Variants in POM121L12 observed in about 807,000 individuals in gnomAD.
The protein encoded by POM121L12 is POM121-like protein 12.
For synonymous variants in POM121L12, 251 were observed against 179.2 expected (o/e 1.40, Z -3.20); for missense variants, 553 against 409.2 (o/e 1.35, Z -3.03).
chr7:53,036,263 T>C lies in POM121L12; in HGVS notation c.592T>C (p.Phe198Leu), dbSNP rs1044913721. 3 of 1,614,000 alleles carry C rather than the reference T, an allele frequency of 1.9e-6. No individual in the cohort carries two copies. Among genetic ancestry groups the C allele is most frequent in the African/African-American group, 2.7e-5 (2 of 75,030 alleles). ...CGCTAGGTTCGACGGGCCGTTGTGGTTCGAGGTCTCAGACAGCAAGGGTGG... is the reference window on the plus strand; with the variant it reads ...CGCTAGGTTCGACGGGCCGTTGTGGCTCGAGGTCTCAGACAGCAAGGGTGG... Reference protein sequence around the residue: ...GSARFDGPLWFEVSDSKGGRR... With the variant: ...GSARFDGPLWLEVSDSKGGRR... The change falls in exon 1 of 1, where the codon TTC becomes CTC. Residue 198 changes from phenylalanine (F) to leucine (L), a missense_variant. Coordinates refer to ENST00000408890, the MANE Select transcript of POM121L12 (RefSeq NM_182595.4).
Position 53,036,374 on chromosome 7 carries a change from C to T in POM121L12, c.703C>T (p.Pro235Ser), listed in dbSNP as rs991828786. ...TGCTTCCTTCGTGCCCAGGCCAGGG[C>T]CTCTGAAGCCGAGCCTCGGCCCCTG... ...AVASFVPRPGPLKPSLGPWSL... is the reference protein window; with the variant it reads ...AVASFVPRPGSLKPSLGPWSL... The change falls in exon 1 of 1, where the codon CCT becomes TCT. Residue 235 changes from proline (P) to serine (S), a missense_variant. By Grantham distance (74) the Pro-to-Ser change is moderately conservative (BLOSUM62 -1). Transcript: ENST00000408890. The T allele has an allele frequency of 1.2e-6, 2 of 1,613,608 alleles. No individual in the cohort carries two copies. The highest frequency in any genetic ancestry group is 1.3e-5 in the African/African-American group (1 of 74,914).
chr7:53,036,270 T>G lies in POM121L12; in HGVS notation c.599T>G (p.Val200Gly), dbSNP rs771983510. The G allele has an allele frequency of 6.2e-7, 1 of 1,613,820 alleles. No individual in the cohort carries two copies. The highest frequency in any genetic ancestry group is 8.5e-7 in the Non-Finnish European group (1 of 1,179,984). Residue 200 changes from valine to glycine, a missense_variant, in exon 1 of 1, where the codon GTC becomes GGC. Val to Gly is a moderately radical substitution (Grantham distance 109, BLOSUM62 -3). Transcript: ENST00000408890. ...ARFDGPLWFE[V>G]SDSKGGRRNL... ...TTCGACGGGCCGTTGTGGTTCGAGGTCTCAGACAGCAAGGGTGGCAGGCGG... is the reference window on the plus strand; with the variant it reads ...TTCGACGGGCCGTTGTGGTTCGAGGGCTCAGACAGCAAGGGTGGCAGGCGG...
chr7:53,036,346 G>A lies in POM121L12; in HGVS notation c.675G>A (p.Ala225=), dbSNP rs114283332. The A allele has an allele frequency of 8.4e-4, 1,362 of 1,613,960 alleles. 11 individuals carry two copies. In the African/African-American group the frequency reaches 0.016, roughly 19 times the overall value. Reference sequence around the variant, plus strand: ...TCAAGCCCCTGAGCAAAAATGGAGCGGTTGCTTCCTTCGTGCCCAGGCCAG... The same window carrying A: ...TCAAGCCCCTGAGCAAAAATGGAGCAGTTGCTTCCTTCGTGCCCAGGCCAG... ...SAFKPLSKNG[A]VASFVPRPGP... The change falls in exon 1 of 1, where the codon GCG becomes GCA. Residue 225 remains alanine, a synonymous_variant. Transcript: ENST00000408890.
Position 53,035,824 on chromosome 7 carries a change from T to C in POM121L12, c.153T>C (p.Ser51=), listed in dbSNP as rs748174179. 1.1e-5 allele frequency: 18 copies of C among 1,613,098 alleles called. No homozygotes were observed. Among genetic ancestry groups the C allele is most frequent in the Non-Finnish European group, 1.5e-5 (18 of 1,179,718 alleles). ...CGCCATCTCCCCAGGGTCGCCAGAG[T>C]CCCTGGCCCCTGAGGTCCCTGACTC... ...QTTPSPQGRQ[S]PWPLRSLTQS... The change falls in exon 1 of 1, where the codon AGT becomes AGC. Residue 51 remains serine, a synonymous_variant. Transcript: ENST00000408890.
rs745965917 is a variant in POM121L12 at position 53,036,420 on chromosome 7, A to C, written c.749A>C (p.Asp250Ala). 6 of 1,613,212 alleles carry C rather than the reference A, an allele frequency of 3.7e-6. No individual in the cohort carries two copies. The Admixed American group carries it at 1.0e-4, about 27-fold the overall frequency. ...LGPWSLSFCD[D>A]AWPSVLVQPA... ...CCCTGGAGCCTCAGTTTTTGTGATGATGCTTGGCCTTCCGTGCTGGTCCAG... is the reference window on the plus strand; with the variant it reads ...CCCTGGAGCCTCAGTTTTTGTGATGCTGCTTGGCCTTCCGTGCTGGTCCAG... Residue 250 changes from aspartate to alanine, a missense_variant, in exon 1 of 1, where the codon GAT becomes GCT. Transcript: ENST00000408890.
At position 53,035,794 on chromosome 7, in the gene POM121L12, G is replaced by T. The variant is rs1403727197; in HGVS notation, c.123G>T (p.Gln41His). Residue 41 changes from glutamine to histidine, a missense_variant, in exon 1 of 1, where the codon CAG (glutamine) becomes CAT (histidine). By Grantham distance (24) the Gln-to-His change is conservative. Coordinates refer to ENST00000408890, the MANE Select transcript of POM121L12 (RefSeq NM_182595.4). ...APMSRSPSTPQTTPSPQGRQS... is the reference protein window; with the variant it reads ...APMSRSPSTPHTTPSPQGRQS... ...TGAGCAGGTCACCCAGCACGCCCCA[G>T]ACCACGCCATCTCCCCAGGGTCGCC... is the stretch of plus-strand genomic sequence containing the variant. The T allele has an allele frequency of 1.2e-6, 2 of 1,613,674 alleles. No individual in the cohort carries two copies. Among genetic ancestry groups the T allele is most frequent in the Non-Finnish European group, 1.7e-6 (2 of 1,179,892 alleles).
rs1479965215 is a variant in POM121L12, at chr7:53,035,880, G to A, written c.209G>A (p.Arg70His). Residue 70 changes from arginine (R) to histidine (H), a missense_variant, in exon 1 of 1, where the codon CGC becomes CAC. Transcript: ENST00000408890. ...CATATTCAGTACTTCCAGTGGGGGCGCCCGGTGCCCAGCACCCACCTCATC... is the reference window on the plus strand; with the variant it reads ...CATATTCAGTACTTCCAGTGGGGGCACCCGGTGCCCAGCACCCACCTCATC... ...QSHIQYFQWGRPVPSTHLIEV... is the reference protein window; with the variant it reads ...QSHIQYFQWGHPVPSTHLIEV... 9 of 1,613,242 alleles carry A rather than the reference G, an allele frequency of 5.6e-6. No homozygotes were observed. The highest frequency in any genetic ancestry group is 1.3e-5 in the African/African-American group (1 of 75,040).
rs138941526 is a variant in POM121L12 at position 53,036,651 on chromosome 7, C to G, written c.*89C>G. 6.5e-6 allele frequency: 9 copies of G among 1,389,784 alleles called. No individual in the cohort carries two copies. The highest frequency in any genetic ancestry group is 8.8e-6 in the Non-Finnish European group (9 of 1,018,584). 86.1% of individuals were successfully genotyped at this position (1,389,784 alleles called of 1,614,324 possible). On this transcript the variant is annotated 3_prime_UTR_variant, in exon 1 of 1. Coordinates refer to ENST00000408890, the MANE Select transcript of POM121L12 (RefSeq NM_182595.4). ...TCCTTGCTCTACCTCAACGTGGGGC[C>G]CTGACACCACGTTATCAAACATGCA...
At chr7:53,036,399 G>A in the POM121L12 span, 1 of 1,613,760 alleles carries the variant, frequency 6.2e-7, no homozygotes. Context: ...CTCGGCCCCT[G>A]GAGCCTCAGT....
In POM121L12 at chr7:53,036,133, T is replaced by G. The variant is rs1290992545; in HGVS notation, c.462T>G (p.Pro154=). ...GTCAGGAGAGCCCCTGGAGATCCCC[T>G]GGACAGAGAGCCCGCCCCGCAGGCC... ...PERQESPWRS[P]GQRARPAGRP... Residue 154 remains proline, a synonymous_variant, in exon 1 of 1, where the codon CCT becomes CCG. Transcript: ENST00000408890. The G allele has an allele frequency of 2.5e-6, 4 of 1,611,028 alleles. No homozygotes were observed. Among genetic ancestry groups the G allele is most frequent in the Non-Finnish European group, 3.4e-6 (4 of 1,179,554 alleles).
In POM121L12 at chr7:53,036,661, C is replaced by T. The variant is rs1787567537; in HGVS notation, c.*99C>T. On this transcript the variant is annotated 3_prime_UTR_variant, in exon 1 of 1. Coordinates refer to ENST00000408890, the MANE Select transcript of POM121L12 (RefSeq NM_182595.4). ...ACCTCAACGTGGGGCCCTGACACCA[C>T]GTTATCAAACATGCAGCCCCCACAC... 12 of 1,318,634 alleles carry T rather than the reference C, an allele frequency of 9.1e-6. No homozygotes were observed. The Admixed American group carries it at 1.4e-4, about 15-fold the overall frequency. 81.7% of individuals were successfully genotyped at this position (1,318,634 alleles called of 1,614,324 possible).
rs1385545410 is a variant in POM121L12 at position 53,035,784 on chromosome 7, G to A, written c.113G>A (p.Ser38Asn). Residue 38 changes from serine to asparagine, a missense_variant, in exon 1 of 1, where the codon AGC becomes AAC. Ser to Asn is a conservative substitution (Grantham distance 46). Coordinates refer to ENST00000408890, the MANE Select transcript of POM121L12 (RefSeq NM_182595.4). ...ALAAPMSRSP[S>N]TPQTTPSPQG... is the part of the protein sequence containing the mutation. ...GCGGCTCCCATGAGCAGGTCACCCAGCACGCCCCAGACCACGCCATCTCCC... is the reference window on the plus strand; with the variant it reads ...GCGGCTCCCATGAGCAGGTCACCCAACACGCCCCAGACCACGCCATCTCCC... The A allele has an allele frequency of 4.8e-5, 78 of 1,613,576 alleles. No homozygotes were observed. Among genetic ancestry groups the A allele is most frequent in the Non-Finnish European group, 6.4e-5 (76 of 1,179,894 alleles).
At position 53,036,096 on chromosome 7, in the gene POM121L12, C is replaced by A; in HGVS notation, c.425C>A (p.Ala142Glu). Residue 142 changes from alanine (A) to glutamate (E), a missense_variant, in exon 1 of 1, where the codon GCG (alanine) becomes GAG (glutamate). Coordinates refer to ENST00000408890, the MANE Select transcript of POM121L12 (RefSeq NM_182595.4). The part of the protein sequence containing the change: ...RTWSPVTIGI[A>E]PPERQESPWR... Reference sequence around the variant, plus strand: ...TGGAGCCCGGTGACCATCGGGATCGCGCCCCCTGAGCGTCAGGAGAGCCCC... The same window carrying A: ...TGGAGCCCGGTGACCATCGGGATCGAGCCCCCTGAGCGTCAGGAGAGCCCC... 1 of 1,612,364 alleles carries A rather than the reference C, an allele frequency of 6.2e-7. No individual in the cohort carries two copies. The highest frequency in any genetic ancestry group is 1.1e-5 in the South Asian group (1 of 91,068).
In POM121L12 at chr7:53,036,683, A is replaced by C; in HGVS notation, c.*121A>C. ...CCACGTTATCAAACATGCAGCCCCC[A>C]CACCCCTCGTCTGCCCGCCCCCAGA... is the stretch of plus-strand genomic sequence containing the variant. On this transcript the variant is annotated 3_prime_UTR_variant, in exon 1 of 1. Coordinates refer to ENST00000408890, the MANE Select transcript of POM121L12 (RefSeq NM_182595.4). 9.1e-7 allele frequency: 1 copy of C among 1,104,554 alleles called. No homozygotes were observed. The highest frequency in any genetic ancestry group is 1.3e-6 in the Non-Finnish European group (1 of 774,308). The allele number at this position is 1,104,554 out of a possible 1,614,324, so 68.4% of individuals were successfully genotyped here. A position where few individuals can be genotyped will look rare whatever the true frequency, so the allele number is the denominator to read the frequency against.
At position 53,035,746 on chromosome 7, in the gene POM121L12, C is replaced by A; in HGVS notation, c.75C>A (p.Gly25=). The change falls in exon 1 of 1, where the codon GGC becomes GGA. Residue 25 remains glycine (G), a synonymous_variant. Coordinates refer to ENST00000408890, the MANE Select transcript of POM121L12 (RefSeq NM_182595.4). ...FWKAGEPLLQ[G]PDALAAPMSR... is the part of the protein sequence containing the mutation. ...AGGCGGGAGAACCCCTGCTGCAAGGCCCCGACGCCCTGGCGGCTCCCATGA... is the reference window on the plus strand; with the variant it reads ...AGGCGGGAGAACCCCTGCTGCAAGGACCCGACGCCCTGGCGGCTCCCATGA... 1 of 1,613,354 alleles carries A rather than the reference C, an allele frequency of 6.2e-7. No homozygotes were observed. Among genetic ancestry groups the A allele is most frequent in the Non-Finnish European group, 8.5e-7 (1 of 1,179,754 alleles).
chr7:53,035,936 C>A lies in POM121L12; in HGVS notation c.265C>A (p.Pro89Thr), dbSNP rs778837822. Residue 89 changes from proline (P) to threonine (T), a missense_variant, in exon 1 of 1, where the codon CCG becomes ACG. Coordinates refer to ENST00000408890, the MANE Select transcript of POM121L12 (RefSeq NM_182595.4). ...GCGGCCCACCCAGGACCCCGCCAAG[C>A]CGCAGCGGGTGGTCTCCGAGGGCTG... ...EVRPTQDPAK[P>T]QRVVSEGWRR... 2 of 1,612,810 alleles carry A rather than the reference C, an allele frequency of 1.2e-6. No homozygotes were observed. Among genetic ancestry groups the A allele is most frequent in the African/African-American group, 1.3e-5 (1 of 75,042 alleles).
Position 53,035,884 on chromosome 7 carries a change from G to A in POM121L12, c.213G>A (p.Pro71=), listed in dbSNP as rs369662403. Residue 71 remains proline, a synonymous_variant, in exon 1 of 1, where the codon CCG becomes CCA. Transcript: ENST00000408890. ...TTCAGTACTTCCAGTGGGGGCGCCC[G>A]GTGCCCAGCACCCACCTCATCGAGG... ...SHIQYFQWGR[P]VPSTHLIEVR... 70 of 1,613,064 alleles carry A rather than the reference G, an allele frequency of 4.3e-5. 1 individual carries two copies. The highest frequency in any genetic ancestry group is 5.5e-5 in the South Asian group (5 of 91,074).
In POM121L12 at chr7:53,036,578, TACCCACCTCCGGAG is replaced by T; in HGVS notation, c.*19_*32del. ...TGGCTCCTAAGAATCTGGGCTCTGCTACCCACCTCCGGAGACACAAGCCCACGTATCTACTTTCA... is the reference window on the plus strand; with the variant it reads ...TGGCTCCTAAGAATCTGGGCTCTGCTACACAAGCCCACGTATCTACTTTCA... On this transcript the variant is annotated 3_prime_UTR_variant, in exon 1 of 1. Coordinates refer to ENST00000408890, the MANE Select transcript of POM121L12 (RefSeq NM_182595.4). The T allele has an allele frequency of 6.3e-7, 1 of 1,588,280 alleles. No homozygotes were observed. Among genetic ancestry groups the T allele is most frequent in the Admixed American group, 1.8e-5 (1 of 55,864 alleles).
rs778551049 is a variant in POM121L12 at position 53,035,976 on chromosome 7, T to A, written c.305T>A (p.Leu102His). ...VVSEGWRRPA[L>H]PGETALGRDL... ...TCCGAGGGCTGGAGGCGCCCTGCCC[T>A]TCCCGGGGAGACCGCTCTGGGGCGA... is the stretch of plus-strand genomic sequence containing the variant. The change falls in exon 1 of 1, where the codon CTT becomes CAT. Residue 102 changes from leucine (L) to histidine (H), a missense_variant. By Grantham distance (99) the Leu-to-His change is moderately conservative. Transcript: ENST00000408890. 44 of 1,612,660 alleles carry A rather than the reference T, an allele frequency of 2.7e-5. No homozygotes were observed. The highest frequency in any genetic ancestry group is 1.6e-4 in the Middle Eastern group (1 of 6,076).
Sources: allele counts gnomAD v4.1 joint callset, GRCh38; gene constraint gnomAD v4.1.1; transcripts MANE v1.5; gene names NCBI Gene and HGNC (gene_info 2026-07-23, HGNC 2026-07-21).